Variants in GRHL2 observed in about 807,000 individuals in gnomAD.
GRHL2 encodes grainyhead like transcription factor 2.
A neutral mutation model predicts 83.8 loss-of-function variants in GRHL2; 21 were observed. The observed-to-expected ratio is 0.25, with a 90% CI of 0.18 to 0.36. The LOEUF (loss-of-function observed/expected upper bound fraction) is 0.36. Among genes scored for constraint, GRHL2 ranks in the 10% least tolerant of loss-of-function variants. The probability of loss-of-function intolerance (pLI) is 1.00; values close to 1 mark genes in which losing one functional copy is unlikely to be tolerated. For synonymous variants in GRHL2, 280 were observed against 278.9 expected, an observed-to-expected ratio of 1.00 and a Z score of -0.04; for missense variants, 623 against 781.8, an observed-to-expected ratio of 0.80 and a Z score of 2.42.
chr8:101,677,776 T>C, the GRHL2 span, among the ~76,000 whole-genome samples: 1 of 152,048 alleles, frequency 6.6e-6, no homozygotes, highest in Non-Finnish European at 1.5e-5. Context: ...CCCAAGGGTG[T>C]CTGGGACCAT....
intron 1 of GRHL2, among the ~76,000 whole-genome samples, chr8:101,533,686 G>C (rs1027987845): frequency 6.6e-6 from 1 of 152,232 alleles, no homozygotes; most frequent in Non-Finnish European, 1.5e-5. Flanking sequence ...GTGGAAGCAG[G>C]TTGCTGCATT....
At chr8:101,493,930 C>A (rs924443758) in intron 1 of GRHL2, among the ~76,000 whole-genome samples, 2 of 151,432 alleles carry the variant, frequency 1.3e-5, no homozygotes, top group Middle Eastern at 3.4e-3. Context: ...GGGGCCTGGG[C>A]GGGCGCGGGA....
At position 101,664,430 on chromosome 8, in the gene GRHL2, G is replaced by A. The variant is rs768437624; in HGVS notation, c.1699-24G>A. On this transcript the variant is annotated intron_variant, in intron 14 of 15. Coordinates refer to ENST00000646743, the MANE Select transcript of GRHL2 (RefSeq NM_024915.4). ...GTTGGGCGTCCTTCTGTGCTCATCT[G>A]CCTTCTTGTTATTGGTATTACAGAT... 5 of 1,593,400 alleles carry A rather than the reference G, an allele frequency of 3.1e-6. No individual in the cohort carries two copies. In the East Asian group the frequency reaches 1.1e-4, roughly 36 times the overall value.
Position 101,669,598 on chromosome 8 carries a change from A to G in GRHL2, c.*2895A>G, listed in dbSNP as rs1814166158. 1 of 152,666 alleles carries G rather than the reference A, an allele frequency of 6.6e-6. No individual in the cohort carries two copies. Among genetic ancestry groups the G allele is most frequent in the South Asian group, 2.1e-4 (1 of 4,834 alleles). 9.5% of individuals were successfully genotyped at this position (152,666 alleles called of 1,614,324 possible). On this transcript the variant is annotated 3_prime_UTR_variant, in exon 16 of 16. Coordinates refer to ENST00000646743, the MANE Select transcript of GRHL2 (RefSeq NM_024915.4). ...CAATTTGCTCTCATGTTTTAAAAAA[A>G]AAAAGGTAAATGTAACTTAATAGTT...
intron 9 of GRHL2, 87 bp downstream of exon 9, chr8:101,619,784 G>A: frequency 1.0e-6 from 1 of 976,350 alleles, no homozygotes; most frequent in Non-Finnish European, 1.6e-6. Context: ...ACCTTTGCTT[G>A]TCTAGTGGTG....
At chr8:101,644,265 C>A in intron 13 of GRHL2, 40 bp downstream of exon 13, 1 of 1,499,600 alleles carries the variant, frequency 6.7e-7, no homozygotes, top group Non-Finnish European at 9.2e-7. Context: ...AGAAGGGATG[C>A]GGGGTGTCTC....
intron 8 of GRHL2, among the ~76,000 whole-genome samples, chr8:101,608,331 T>G (rs1005532343): frequency 2.6e-5 from 4 of 151,884 alleles, no homozygotes; most frequent in Admixed American, 2.6e-4. Flanking sequence ...TGGAAAGACC[T>G]AGTAGTAATA....
rs3029400 is a variant in GRHL2 at position 101,664,338 on chromosome 8, T to TGAA, written c.1699-113_1699-111dup. ...GTGTTTTGAGAGTTCGACTCATGAG[T>TGAA]GAAGAGCACTCTATCCCTGGGAAAA... is the stretch of plus-strand genomic sequence containing the variant. On this transcript the variant is annotated intron_variant, in intron 14 of 15. Transcript: ENST00000646743. 274,950 of 738,272 alleles carry TGAA rather than the reference T, an allele frequency of 0.37. 53,575 individuals carry two copies. The highest frequency in any genetic ancestry group is 0.53 in the South Asian group (36,621 of 68,508). The allele number at this position is 738,272 out of a possible 1,614,324, so 45.7% of individuals were successfully genotyped here. A position where few individuals can be genotyped will look rare whatever the true frequency, so the allele number is the denominator to read the frequency against.
At chr8:101,643,258 A>C (rs1422838329) in intron 12 of GRHL2, among the ~76,000 whole-genome samples, 3 of 149,964 alleles carry the variant, frequency 2.0e-5, no homozygotes, top group Non-Finnish European at 4.4e-5. Flanking sequence ...GACACTAAAA[A>C]TTTCTAAAAA....
At chr8:101,556,966 A>G (rs1268673814) in intron 3 of GRHL2, among the ~76,000 whole-genome samples, 1 of 152,102 alleles carries the variant, frequency 6.6e-6, no homozygotes, top group Non-Finnish European at 1.5e-5. Context: ...GAATAGTGTA[A>G]TAAACCCCCC....
intron 4 of GRHL2, among the ~76,000 whole-genome samples, chr8:101,565,278 A>C (rs1013719240): frequency 6.6e-6 from 1 of 151,918 alleles, no homozygotes; most frequent in African/African-American, 2.4e-5. Context: ...TTTAAAAATT[A>C]AAAGATGGAA....
intron 1 of GRHL2, among the ~76,000 whole-genome samples, chr8:101,494,480 G>A (rs1810053443): frequency 6.6e-6 from 1 of 152,128 alleles, no homozygotes. Flanking sequence ...GTGTGTGGTT[G>A]TCTGAGAACA....
intron 14 of GRHL2, among the ~76,000 whole-genome samples, chr8:101,650,192 T>C (rs1813593256): frequency 6.6e-6 from 1 of 152,176 alleles, no homozygotes; most frequent in Non-Finnish European, 1.5e-5. Flanking sequence ...TCAAAATTGT[T>C]GGTTGGTTTG....
intron 5 of GRHL2, among the ~76,000 whole-genome samples, chr8:101,572,627 G>T (rs1175068066): frequency 6.6e-6 from 1 of 152,038 alleles, no homozygotes; most frequent in Admixed American, 6.5e-5. Context: ...TAGAAAATAT[G>T]TGGTGTTTGT....
chr8:101,586,969 T>C (rs17477457), intron 7 of GRHL2, among the ~76,000 whole-genome samples: 17,152 of 152,268 alleles, frequency 0.11, 1,102 homozygotes, highest in South Asian at 0.17. Flanking sequence ...TAAATACCTC[T>C]GAGACTTAAT....
intron 13 of GRHL2, among the ~76,000 whole-genome samples, chr8:101,646,269 C>T (rs1385037447): frequency 2.0e-5 from 3 of 152,130 alleles, no homozygotes; most frequent in African/African-American, 4.8e-5. Flanking sequence ...AGGGCAGTAA[C>T]ATGGAAATCA....
chr8:101,571,664 A>G (rs1009520225), intron 5 of GRHL2, among the ~76,000 whole-genome samples: 4 of 151,994 alleles, frequency 2.6e-5, no homozygotes, highest in African/African-American at 9.7e-5. Context: ...ATCTCCCACT[A>G]TGTTTCTTGC....
In GRHL2 at chr8:101,503,392, G is replaced by T. The variant is rs370156616; in HGVS notation, c.20+10603G>T. On this transcript the variant is annotated intron_variant, in intron 1 of 15. Coordinates refer to ENST00000646743, the MANE Select transcript of GRHL2 (RefSeq NM_024915.4). ...CTAATAAAGACAGAAAATAATATTAGCTGTAAGCTGTATTAGTGATAAGAA... is the reference window on the plus strand; with the variant it reads ...CTAATAAAGACAGAAAATAATATTATCTGTAAGCTGTATTAGTGATAAGAA... 1.9e-4 allele frequency among the ~76,000 whole-genome samples: 29 copies of T among 152,284 alleles called. 1 individual carries two copies. The South Asian group carries it at 6.0e-3, about 32-fold the overall frequency.
At chr8:101,670,773 G>A (rs1023243374), downstream of GRHL2, among the ~76,000 whole-genome samples, 6 of 152,224 alleles carry the variant, frequency 3.9e-5, no homozygotes, top group Non-Finnish European at 7.3e-5. Context: ...TTGGATAGGC[G>A]ATGACGGTTG....
Sources: allele counts gnomAD v4.1 joint callset (sites outside exome capture counted in the v4.1 genomes callset), GRCh38; gene constraint gnomAD v4.1.1; transcripts MANE v1.5; gene names NCBI Gene and HGNC (gene_info 2026-07-23, HGNC 2026-07-21).